SOBP: variants seen among roughly 807,000 people sequenced by gnomAD.
SOBP encodes sine oculis-binding protein homolog.
Under a neutral mutation model 53.6 loss-of-function variants are expected in SOBP, and 4 were observed. The observed-to-expected ratio is 0.07, with a 90% CI of 0.04 to 0.17. SOBP has a LOEUF of 0.17. Among genes scored for constraint, SOBP ranks in the 10% least tolerant of loss-of-function variants. The pLI is 1.00. For missense variants in SOBP, 1,088 were observed against 1,204.7 expected (o/e 0.90, Z 1.43); for synonymous variants, 584 against 522.6 (o/e 1.12, Z -1.60).
rs192364892 is a variant in SOBP, at chr6:107,520,085, A to G, written c.422-13374A>G. ...AGGGCACCAGATTCTCAGTGGCACA[A>G]TAACGGAGCACTCAGAAAGGGCCAT... is the stretch of plus-strand genomic sequence containing the variant. On this transcript the variant is annotated intron_variant, in intron 3 of 6. Transcript: ENST00000317357. Among the ~76,000 whole-genome samples, 437 of 152,362 alleles carry G rather than the reference A, an allele frequency of 2.9e-3. 5 individuals carry two copies. The highest frequency in any genetic ancestry group is 3.1e-3 in the Non-Finnish European group (208 of 68,028).
intron 4 of SOBP, among the ~76,000 whole-genome samples, chr6:107,538,494 A>C (rs1008146687): frequency 1.3e-5 from 2 of 152,126 alleles, no homozygotes; most frequent in African/African-American, 2.4e-5. Context: ...CCACCAGTAA[A>C]TGCACCTGGG....
rs977482767 is a variant in SOBP, at chr6:107,490,439, G to A, written c.-178G>A. ...CCACTGACGTCCTCCGCCGCTAGAA[G>A]AGACCCCGCTTCTCGGCGCCTGCCC... On this transcript the variant is annotated 5_prime_UTR_variant, in exon 1 of 7. Transcript: ENST00000317357. The A allele has an allele frequency of 1.3e-4, 76 of 567,024 alleles. 1 individual carries two copies. Among genetic ancestry groups the A allele is most frequent in the Non-Finnish European group, 4.7e-5 (15 of 318,628 alleles). 35.1% of individuals were successfully genotyped at this position (567,024 alleles called of 1,614,324 possible).
Position 107,635,360 on chromosome 6 carries a change from C to T in SOBP, c.2516C>T (p.Ala839Val). The change falls in exon 6 of 7, where the codon GCC becomes GTC. Residue 839 changes from alanine to valine, a missense_variant. This residue lies in a region of SOBP where 665 missense variants were observed against 629.7 expected (regional missense o/e 1.06). Coordinates refer to ENST00000317357, the MANE Select transcript of SOBP (RefSeq NM_018013.4). The surrounding 1 kb of genome is among the most constrained non-coding windows in gnomAD (Gnocchi z 4.5). The part of the protein sequence containing the change: ...QPVPKPAEKA[A>V]MAPCIISSPM... Reference sequence around the variant, plus strand: ...GTGCCAAAACCCGCGGAGAAGGCTGCCATGGCACCGTGCATCATCTCCTCG... The same window carrying T: ...GTGCCAAAACCCGCGGAGAAGGCTGTCATGGCACCGTGCATCATCTCCTCG... The T allele has an allele frequency of 6.2e-7, 1 of 1,613,590 alleles. No individual in the cohort carries two copies. Among genetic ancestry groups the T allele is most frequent in the Non-Finnish European group, 8.5e-7 (1 of 1,180,026 alleles).
chr6:107,567,766 A>G (rs1197564420), intron 4 of SOBP, among the ~76,000 whole-genome samples: 1 of 152,208 alleles, frequency 6.6e-6, no homozygotes, highest in Non-Finnish European at 1.5e-5. Context: ...TTGATCCAAT[A>G]AGGACATGGT....
chr6:107,571,697 T>C (rs1562623379), intron 4 of SOBP, among the ~76,000 whole-genome samples: 1 of 152,192 alleles, frequency 6.6e-6, no homozygotes, highest in Non-Finnish European at 1.5e-5. Flanking sequence ...CCGTGGAGTC[T>C]TTTCCATCAA....
chr6:107,547,359 T>C (rs1583197713), intron 4 of SOBP, among the ~76,000 whole-genome samples: 1 of 152,336 alleles, frequency 6.6e-6, no homozygotes, highest in East Asian at 1.9e-4. Context: ...AATGTTTGAC[T>C]GCATTAAAGA....
Position 107,518,466 on chromosome 6 carries a change from A to G in SOBP, c.421+12039A>G, listed in dbSNP as rs558426394. The stretch of plus-strand genomic sequence containing the variant: ...TTAATGCTGAACATACACATATGCA[A>G]TAATTTATACAATTAAGTGTTCTTG... On this transcript the variant is annotated intron_variant, in intron 3 of 6. Transcript: ENST00000317357. Among the ~76,000 whole-genome samples the G allele has an allele frequency of 7.5e-4, 114 of 152,346 alleles. 1 individual carries two copies. Among genetic ancestry groups the G allele is most frequent in the Middle Eastern group, 3.4e-3 (1 of 294 alleles).
At chr6:107,537,178 C>T (rs1760741775) in intron 4 of SOBP, among the ~76,000 whole-genome samples, 1 of 152,206 alleles carries the variant, frequency 6.6e-6, no homozygotes, top group Non-Finnish European at 1.5e-5. Context: ...TAGTAATGCA[C>T]ACGTAAAAAT....
intron 3 of SOBP, among the ~76,000 whole-genome samples, chr6:107,512,278 G>A (rs1039491053): frequency 6.6e-6 from 1 of 152,214 alleles, no homozygotes; most frequent in Admixed American, 6.5e-5. Flanking sequence ...TAACTTTGCT[G>A]TAATTCATCT....
Position 107,659,075 on chromosome 6 carries a change from T to G in SOBP, c.*872T>G, listed in dbSNP as rs1367231562. 6.6e-6 allele frequency: 1 copy of G among 152,542 alleles called. No homozygotes were observed. The highest frequency in any genetic ancestry group is 2.4e-5 in the African/African-American group (1 of 41,424). The allele number at this position is 152,542 out of a possible 1,614,324, so 9.4% of individuals were successfully genotyped here. A position where few individuals can be genotyped will look rare whatever the true frequency, so the allele number is the denominator to read the frequency against. ...TGAAGACCAAAATGCCCTCAAGGTG[T>G]AAAATAATCCGAGGGGGAATATTTG... is the stretch of plus-strand genomic sequence containing the variant. On this transcript the variant is annotated 3_prime_UTR_variant, in exon 7 of 7. Coordinates refer to ENST00000317357, the MANE Select transcript of SOBP (RefSeq NM_018013.4).
intron 4 of SOBP, among the ~76,000 whole-genome samples, chr6:107,574,796 G>A (rs1435087994): frequency 6.6e-6 from 1 of 152,128 alleles, no homozygotes; most frequent in Non-Finnish European, 1.5e-5. Flanking sequence ...CTTTGGCCGT[G>A]TTCCTCAGCC....
At chr6:107,616,091 GGGGC>G in intron 5 of SOBP, among the ~76,000 whole-genome samples, 2 of 126,582 alleles carry the variant, frequency 1.6e-5, no homozygotes, top group African/African-American at 6.0e-5. Flanking sequence ...GGGTGGGGGG[GGGGC>G]GGGGGGGCGG....
Position 107,504,085 on chromosome 6 carries a change from C to T in SOBP, c.235+290C>T, listed in dbSNP as rs113344291. Among the ~76,000 whole-genome samples, 694 of 152,350 alleles carry T rather than the reference C, an allele frequency of 4.6e-3. 8 individuals are homozygous for T. The highest frequency in any genetic ancestry group is 0.016 in the African/African-American group (659 of 41,576). On this transcript the variant is annotated intron_variant, in intron 2 of 6. Coordinates refer to ENST00000317357, the MANE Select transcript of SOBP (RefSeq NM_018013.4). ...CTGCATACAGATTTAAAGAAAGGGA[C>T]AATGTTTGCTAACTAGAGTTTCCTG...
chr6:107,583,389 A>G (rs1785464152), intron 4 of SOBP, among the ~76,000 whole-genome samples: 1 of 152,214 alleles, frequency 6.6e-6, no homozygotes, highest in South Asian at 2.1e-4. Context: ...TGCCTTGGAT[A>G]GAGAGGTTTG....
chr6:107,628,023 G>A (rs1484889134), intron 5 of SOBP, among the ~76,000 whole-genome samples: 2 of 152,156 alleles, frequency 1.3e-5, no homozygotes, highest in African/African-American at 2.4e-5. Context: ...CCTTTCCTTT[G>A]GAAGATAGTT....
intron 5 of SOBP, among the ~76,000 whole-genome samples, chr6:107,598,604 T>G (rs1343964103): frequency 6.6e-6 from 1 of 152,196 alleles, no homozygotes; most frequent in Non-Finnish European, 1.5e-5. Context: ...TTTGGTGTTT[T>G]GGCTATAGGA....
chr6:107,537,750 G>A (rs1583186997), intron 4 of SOBP, among the ~76,000 whole-genome samples: 1 of 151,538 alleles, frequency 6.6e-6, no homozygotes, highest in Non-Finnish European at 1.5e-5. Context: ...AGCCCAGGAG[G>A]CTGGGGCTGC....
At chr6:107,633,298 G>A (rs78532553) in intron 5 of SOBP, among the ~76,000 whole-genome samples, 3,274 of 152,284 alleles carry the variant, frequency 0.021, 127 homozygotes, top group African/African-American at 0.075. Context: ...AAGAATAGGA[G>A]GTTGTGATAA....
intron 5 of SOBP, among the ~76,000 whole-genome samples, chr6:107,589,418 C>A (rs773630391): frequency 1.3e-4 from 20 of 152,184 alleles, no homozygotes; most frequent in Non-Finnish European, 2.8e-4. Flanking sequence ...CCCACCCCCA[C>A]ATGCCTGCTT....
Sources: gnomAD v4.1 joint callset for allele counts (sites outside exome capture counted in the v4.1 genomes callset) on GRCh38, gnomAD v4.1.1 for gene constraint, gnomAD v4.1.1 regional missense constraint, Gnocchi (gnomAD v3.1) non-coding constraint, MANE v1.5 for transcripts, NCBI Gene and HGNC (gene_info 2026-07-23, HGNC 2026-07-21) for gene names.